Variants in COMMD10 observed in about 807,000 individuals in gnomAD.
COMMD10 encodes the protein COMM domain containing 10, also known as COMM domain-containing protein 10.
In COMMD10, 33 loss-of-function variants were observed where a neutral mutation model predicts 28.9. The ratio of observed to expected loss-of-function variants is 1.14; its 90% CI spans 0.87 to 1.53. COMMD10 has a LOEUF of 1.53. COMMD10 is among the 40% of genes most tolerant of loss of function. The pLI, the probability that COMMD10 is intolerant of heterozygous loss-of-function variation, is 0.00. For missense variants in COMMD10, 310 were observed against 233.4 expected, an observed-to-expected ratio of 1.33 and a Z score of -2.14; for synonymous variants, 110 against 81.7, an observed-to-expected ratio of 1.35 and a Z score of -1.87.
At chr5:116,267,198 T>C (rs1194389267) in intron 5 of COMMD10, among the ~76,000 whole-genome samples, 4 of 151,782 alleles carry the variant, frequency 2.6e-5, no homozygotes, top group Non-Finnish European at 5.9e-5. Flanking sequence ...TTAGAAAACC[T>C]CATTGTCTCC....
chr5:116,264,560 A>G (rs185925589), intron 5 of COMMD10, among the ~76,000 whole-genome samples: 62 of 152,002 alleles, frequency 4.1e-4, no homozygotes, highest in Admixed American at 8.5e-4. Context: ...AAAGTCACGT[A>G]AAGGTCAAGT....
At chr5:116,200,175 T>C (rs1463991923) in intron 5 of COMMD10, among the ~76,000 whole-genome samples, 1 of 152,154 alleles carries the variant, frequency 6.6e-6, no homozygotes, top group Non-Finnish European at 1.5e-5. Context: ...TTATTAACTG[T>C]GGTCTCCTTG....
At chr5:116,147,521 T>C (rs891110741) in intron 5 of COMMD10, among the ~76,000 whole-genome samples, 3 of 151,914 alleles carry the variant, frequency 2.0e-5, no homozygotes, top group African/African-American at 7.2e-5. Flanking sequence ...TAAAAATTGG[T>C]TGACTATCTG....
chr5:116,285,732 T>C (rs1297629272), intron 5 of COMMD10, among the ~76,000 whole-genome samples: 1 of 151,970 alleles, frequency 6.6e-6, no homozygotes, highest in Admixed American at 6.6e-5. Flanking sequence ...TAGTATACCA[T>C]GGTGTATAAA....
intron 4 of COMMD10, among the ~76,000 whole-genome samples, chr5:116,097,805 C>G (rs1239611125): frequency 6.6e-6 from 1 of 151,866 alleles, no homozygotes; most frequent in East Asian, 1.9e-4. Flanking sequence ...GGAGCAGGAA[C>G]AAGAGAGAGA....
At chr5:116,131,974 C>A (rs767681827) in intron 4 of COMMD10, among the ~76,000 whole-genome samples, 14 of 151,920 alleles carry the variant, frequency 9.2e-5, no homozygotes, top group Non-Finnish European at 1.8e-4. Flanking sequence ...GTTATCCCAT[C>A]CTGAGGGGTT....
At chr5:116,204,760 C>G (rs764687101) in intron 5 of COMMD10, among the ~76,000 whole-genome samples, 1 of 152,102 alleles carries the variant, frequency 6.6e-6, no homozygotes, top group East Asian at 1.9e-4. Flanking sequence ...TTTGATCTTG[C>G]AATGAATGTC....
intron 5 of COMMD10, among the ~76,000 whole-genome samples, chr5:116,226,751 T>G (rs1749403827): frequency 6.6e-6 from 1 of 152,120 alleles, no homozygotes; most frequent in East Asian, 1.9e-4. Context: ...TCTGGACATG[T>G]TCCATAACCC....
At chr5:116,240,094 C>A (rs1425051653) in intron 5 of COMMD10, among the ~76,000 whole-genome samples, 1 of 152,020 alleles carries the variant, frequency 6.6e-6, no homozygotes, top group Non-Finnish European at 1.5e-5. Flanking sequence ...AATAGTAGAT[C>A]ACTATGTGAG....
chr5:116,216,358 A>T (rs987729574), intron 5 of COMMD10, among the ~76,000 whole-genome samples: 8 of 152,170 alleles, frequency 5.3e-5, no homozygotes, highest in African/African-American at 1.9e-4. Flanking sequence ...TGGACTAGAA[A>T]GTTTGTTCTT....
intron 4 of COMMD10, among the ~76,000 whole-genome samples, chr5:116,126,618 C>G (rs1209748384): frequency 6.6e-6 from 1 of 151,360 alleles, no homozygotes; most frequent in African/African-American, 2.5e-5. Flanking sequence ...GGAAATAATA[C>G]CACACATCTA....
At chr5:116,224,638 C>T (rs569024446) in intron 5 of COMMD10, among the ~76,000 whole-genome samples, 1 of 152,100 alleles carries the variant, frequency 6.6e-6, no homozygotes, top group Non-Finnish European at 1.5e-5. Context: ...ATTGTGAGGA[C>T]AGCACCAAGC....
chr5:116,284,334 GTGTA>G (rs35927654), intron 5 of COMMD10, among the ~76,000 whole-genome samples: 15,094 of 149,210 alleles, frequency 0.1, 913 homozygotes, highest in African/African-American at 0.14. Context: ...GTATGTGTGT[GTGTA>G]TGTATGTGTG....
chr5:116,210,648 T>A (rs1270876348), intron 5 of COMMD10, among the ~76,000 whole-genome samples: 1 of 152,112 alleles, frequency 6.6e-6, no homozygotes, highest in African/African-American at 2.4e-5. Context: ...ACATACAGTC[T>A]ATCAACAAAT....
At chr5:116,165,967 C>G (rs931860696) in intron 5 of COMMD10, among the ~76,000 whole-genome samples, 7 of 152,078 alleles carry the variant, frequency 4.6e-5, no homozygotes, top group African/African-American at 1.2e-4. Flanking sequence ...CTTTTTTAGT[C>G]AAATCACATT....
chr5:116,184,645 C>T (rs1748081284), intron 5 of COMMD10, among the ~76,000 whole-genome samples: 1 of 151,916 alleles, frequency 6.6e-6, no homozygotes, highest in South Asian at 2.1e-4. Context: ...TGTTATTTAC[C>T]AAAAGAAAAC....
At chr5:116,276,597 T>A (rs1009058877) in intron 5 of COMMD10, among the ~76,000 whole-genome samples, 2 of 151,876 alleles carry the variant, frequency 1.3e-5, no homozygotes, top group Non-Finnish European at 2.9e-5. Context: ...TATATTATGT[T>A]TTTGTGTCAT....
chr5:116,166,372 C>T (rs1329819416), intron 5 of COMMD10, among the ~76,000 whole-genome samples: 2 of 152,120 alleles, frequency 1.3e-5, no homozygotes, highest in Admixed American at 6.5e-5. Context: ...AATTGGAATT[C>T]TCCATAGACA....
At chr5:116,173,906 A>T (rs1753419668) in intron 5 of COMMD10, among the ~76,000 whole-genome samples, 1 of 147,524 alleles carries the variant, frequency 6.8e-6, no homozygotes, top group Non-Finnish European at 1.5e-5. Flanking sequence ...TTCATTCCTT[A>T]ATTCTTTATT....
Sources: gnomAD v4.1 joint callset for allele counts (sites outside exome capture counted in the v4.1 genomes callset) on GRCh38, gnomAD v4.1.1 for gene constraint, MANE v1.5 for transcripts, NCBI Gene and HGNC (gene_info 2026-07-23, HGNC 2026-07-21) for gene names.